Variants in PAPPA observed in about 807,000 individuals in gnomAD.
The protein encoded by PAPPA is pappalysin-1.
In PAPPA, 60 loss-of-function variants were observed where a neutral mutation model predicts 164.0. The ratio of observed to expected loss-of-function variants is 0.37; its 90% CI spans 0.30 to 0.45. The LOEUF is 0.45. PAPPA is among the 20% of genes least tolerant of loss of function. The pLI is 1.00. For synonymous variants in PAPPA, 875 were observed against 814.1 expected, an observed-to-expected ratio of 1.07 and a Z score of -1.27; for missense variants, 1,782 against 2,087.3, an observed-to-expected ratio of 0.85 and a Z score of 2.85.
chr9:116,268,857 G>A (rs922582371), intron 8 of PAPPA, among the ~76,000 whole-genome samples: 3 of 119,166 alleles, frequency 2.5e-5, no homozygotes, highest in South Asian at 3.3e-4. Flanking sequence ...GGGGGGGTAG[G>A]GGGGAAGGAA....
chr9:116,195,336 G>T (rs1241181448), intron 2 of PAPPA, among the ~76,000 whole-genome samples: 1 of 129,216 alleles, frequency 7.7e-6, no homozygotes, highest in Non-Finnish European at 1.9e-5. Context: ...AGAATAGAGG[G>T]GTGAACTGAA....
At chr9:116,361,823 G>C (rs1846430672) in intron 17 of PAPPA, among the ~76,000 whole-genome samples, 1 of 152,194 alleles carries the variant, frequency 6.6e-6, no homozygotes, top group Non-Finnish European at 1.5e-5. Context: ...GGACACTAAC[G>C]AATCTTACTT....
intron 2 of PAPPA, among the ~76,000 whole-genome samples, chr9:116,193,312 T>C (rs1353619271): frequency 1.3e-5 from 2 of 152,124 alleles, no homozygotes; most frequent in African/African-American, 4.8e-5. Flanking sequence ...CTTCCCCTGC[T>C]CTAATCAGGG....
intron 8 of PAPPA, among the ~76,000 whole-genome samples, chr9:116,267,851 C>T (rs1220920044): frequency 5.2e-5 from 7 of 134,954 alleles, no homozygotes; most frequent in Non-Finnish European, 9.2e-5. Flanking sequence ...GTCTGCAGTC[C>T]GGCCTGGGCG....
At chr9:116,162,276 A>G (rs1274885246) in intron 1 of PAPPA, among the ~76,000 whole-genome samples, 1 of 152,162 alleles carries the variant, frequency 6.6e-6, no homozygotes, top group African/African-American at 2.4e-5. Flanking sequence ...TGAGAATTTC[A>G]TGGGATCTGT....
chr9:116,351,711 G>A (rs1472734905), intron 15 of PAPPA, among the ~76,000 whole-genome samples: 1 of 152,150 alleles, frequency 6.6e-6, no homozygotes, highest in Non-Finnish European at 1.5e-5. Context: ...AATAAAGACT[G>A]TCATACTAAA....
At chr9:116,174,828 A>G (rs1172197498) in intron 1 of PAPPA, among the ~76,000 whole-genome samples, 5 of 152,156 alleles carry the variant, frequency 3.3e-5, no homozygotes, top group Non-Finnish European at 5.9e-5. Context: ...TAATTTTGGA[A>G]GAAGGAGCCT....
At chr9:116,257,552 A>T (rs1263465988) in intron 7 of PAPPA, among the ~76,000 whole-genome samples, 2 of 151,988 alleles carry the variant, frequency 1.3e-5, no homozygotes, top group African/African-American at 4.8e-5. Flanking sequence ...ATACAAAAAA[A>T]TTAGTGGGGC....
chr9:116,157,487 AGTGGATG>A (rs768378951), intron 1 of PAPPA, among the ~76,000 whole-genome samples: 4 of 152,228 alleles, frequency 2.6e-5, no homozygotes, highest in Non-Finnish European at 4.4e-5. Flanking sequence ...AGGGTCCACC[AGTGGATG>A]GTCTTTAGGA....
intron 1 of PAPPA, among the ~76,000 whole-genome samples, chr9:116,182,476 C>T (rs1362570610): frequency 6.6e-6 from 1 of 152,114 alleles, no homozygotes; most frequent in Non-Finnish European, 1.5e-5. Context: ...GATGAATATA[C>T]AGGAGGAAGA....
intron 10 of PAPPA, among the ~76,000 whole-genome samples, chr9:116,322,149 A>G (rs561982992): frequency 8.1e-4 from 124 of 152,168 alleles, no homozygotes; most frequent in Non-Finnish European, 1.4e-3. Context: ...GGTGCTGGCC[A>G]GGCGCGGTGA....
chr9:116,297,809 A>G (rs1256936235), intron 9 of PAPPA, among the ~76,000 whole-genome samples: 2 of 152,206 alleles, frequency 1.3e-5, no homozygotes, highest in Non-Finnish European at 2.9e-5. Context: ...CCTCATTATC[A>G]TCATTGTTAA....
At chr9:116,380,176 T>C (rs151174945) in intron 20 of PAPPA, among the ~76,000 whole-genome samples, 14 of 152,350 alleles carry the variant, frequency 9.2e-5, no homozygotes, top group African/African-American at 1.4e-4. Context: ...CACCAGAGTA[T>C]AAGGTCTGGA....
chr9:116,158,480 A>T (rs1375723438), intron 1 of PAPPA, among the ~76,000 whole-genome samples: 1 of 152,198 alleles, frequency 6.6e-6, no homozygotes, highest in Non-Finnish European at 1.5e-5. Flanking sequence ...TGGGCAAGCA[A>T]GCTAGTTGAC....
At chr9:116,281,653 A>G (rs1262987847) in intron 9 of PAPPA, among the ~76,000 whole-genome samples, 1 of 152,164 alleles carries the variant, frequency 6.6e-6, no homozygotes, top group Non-Finnish European at 1.5e-5. Flanking sequence ...TCAAACCCAC[A>G]GCACCCCTGG....
At chr9:116,334,681 A>G (rs556361938) in intron 12 of PAPPA, among the ~76,000 whole-genome samples, 180 bp from the exon 13 acceptor site, 1 of 152,234 alleles carries the variant, frequency 6.6e-6, no homozygotes, top group African/African-American at 2.4e-5. Flanking sequence ...TTTGGAACCA[A>G]GAAAAAAAGG....
intron 19 of PAPPA, 131 bp from the exon 20 acceptor site, chr9:116,377,445 T>C (rs957721987): frequency 4.8e-6 from 3 of 625,446 alleles, no homozygotes; most frequent in African/African-American, 3.7e-5. Flanking sequence ...AAGTTCTCCA[T>C]GTAAAAGCCA....
At chr9:116,389,218 C>T (rs558933069) in intron 21 of PAPPA, among the ~76,000 whole-genome samples, 113 of 151,322 alleles carry the variant, frequency 7.5e-4, no homozygotes, top group African/African-American at 2.7e-3. Context: ...CTGCAACCTC[C>T]GCCTCCCAGG....
chr9:116,383,688 T>C (rs1202503869), intron 21 of PAPPA, among the ~76,000 whole-genome samples: 1 of 152,182 alleles, frequency 6.6e-6, no homozygotes, highest in Non-Finnish European at 1.5e-5. Context: ...TGGCTGTTAG[T>C]TACTGAATCT....
Sources: gnomAD v4.1 joint callset for allele counts (sites outside exome capture counted in the v4.1 genomes callset) on GRCh38, gnomAD v4.1.1 for gene constraint, MANE v1.5 for transcripts, NCBI Gene and HGNC (gene_info 2026-07-23, HGNC 2026-07-21) for gene names.